Variants in BARD1 observed in about 807,000 individuals in gnomAD.
BARD1 encodes the protein BRCA1-associated RING domain protein 1.
Under a neutral mutation model 77.0 loss-of-function variants are expected in BARD1, and 73 were observed. That is an observed-to-expected ratio of 0.95 (90% CI 0.79 to 1.15). The LOEUF is 1.15. Among genes scored for constraint, BARD1 ranks in the 50% most tolerant of loss-of-function variants. BARD1 has a pLI of 0.00. For missense variants in BARD1, 993 were observed against 938.8 expected (o/e 1.06, Z -0.75); for synonymous variants, 384 against 338.0 (o/e 1.14, Z -1.49).
intron 3 of BARD1, among the ~76,000 whole-genome samples, chr2:214,786,813 C>G (rs1695295023): frequency 6.6e-6 from 1 of 151,884 alleles, no homozygotes; most frequent in African/African-American, 2.4e-5. Context: ...TGACCTGGTC[C>G]ACAAAGTGTT....
At chr2:214,755,002 T>C (rs896058761) in intron 6 of BARD1, among the ~76,000 whole-genome samples, 3 of 152,300 alleles carry the variant, frequency 2.0e-5, no homozygotes, top group East Asian at 1.9e-4. Context: ...AGATTTCTTA[T>C]TATTTGGGCA....
rs6413459 is a variant in BARD1, at chr2:214,767,311, A to AAGAG, written c.1568+170_1568+171insCTCT. On this transcript the variant is annotated intron_variant, in intron 6 of 10. Transcript: ENST00000260947. ...AATATGAAGGACCAACTGTATCATA[A>AAGAG]AAAGGGCATGAAGGCTGATTATGAG... 0.37 allele frequency among the ~76,000 whole-genome samples: 56,316 copies of AAGAG among 151,862 alleles called. 10,547 individuals are homozygous for AAGAG. Among genetic ancestry groups the AAGAG allele is most frequent in the Middle Eastern group, 0.44 (130 of 294 alleles).
chr2:214,755,178 G>A (rs539978115), intron 6 of BARD1, among the ~76,000 whole-genome samples: 1 of 152,026 alleles, frequency 6.6e-6, no homozygotes, highest in Non-Finnish European at 1.5e-5. Context: ...TGTATCTCAG[G>A]AACTATTAAC....
rs730881417 is a variant in BARD1, at chr2:214,769,302, G to C, written c.1325C>G (p.Pro442Arg). ...LHIASIKGDI[P>R]SVEYLLQNGS... The stretch of plus-strand genomic sequence containing the variant: ...ATTTTGTAAAAGGTATTCAACAGAA[G>C]GTATGTCGCCCTAGAAAAATGAACA... The change falls in exon 5 of 11, where the codon CCT becomes CGT. Residue 442 changes from proline (P) to arginine (R), a missense_variant. Physicochemically the swap from Pro to Arg is moderately radical, Grantham distance 103 (BLOSUM62 -2). Transcript: ENST00000260947. 1 of 1,612,912 alleles carries C rather than the reference G, an allele frequency of 6.2e-7. No individual in the cohort carries two copies. The highest frequency in any genetic ancestry group is 8.5e-7 in the Non-Finnish European group (1 of 1,179,000).
intron 9 of BARD1, among the ~76,000 whole-genome samples, chr2:214,739,699 G>C (rs958633862): frequency 2.6e-5 from 4 of 151,986 alleles, no homozygotes; most frequent in Admixed American, 1.3e-4. Context: ...ATAAAATAAA[G>C]GCTAAATGTT....
chr2:214,732,935 A>AG (rs1692419277), intron 9 of BARD1, among the ~76,000 whole-genome samples: 3 of 152,114 alleles, frequency 2.0e-5, no homozygotes, highest in South Asian at 4.1e-4. Flanking sequence ...GTACTTTCTG[A>AG]GGGAAAAAAA....
At chr2:214,753,603 AT>A (rs1388694202) in intron 6 of BARD1, among the ~76,000 whole-genome samples, 1 of 152,158 alleles carries the variant, frequency 6.6e-6, no homozygotes, top group Non-Finnish European at 1.5e-5. Flanking sequence ...AGAGAGAAAC[AT>A]TAGGGGAAGT....
At chr2:214,756,116 A>G (rs1693683810) in intron 6 of BARD1, among the ~76,000 whole-genome samples, 1 of 152,144 alleles carries the variant, frequency 6.6e-6, no homozygotes, top group Non-Finnish European at 1.5e-5. Context: ...ATGTCAAATT[A>G]TAATTCCCAA....
intron 7 of BARD1, among the ~76,000 whole-genome samples, chr2:214,750,986 G>C (rs1336585462): frequency 6.7e-6 from 1 of 150,282 alleles, no homozygotes; most frequent in Non-Finnish European, 1.5e-5. Context: ...TTTGAGAAAA[G>C]GTTTTCTGTT....
At chr2:214,789,667 A>C (rs903680403) in intron 3 of BARD1, among the ~76,000 whole-genome samples, 4 of 152,172 alleles carry the variant, frequency 2.6e-5, no homozygotes, top group Non-Finnish European at 5.9e-5. Context: ...CGAACCAAAA[A>C]GTTGTGTAAA....
chr2:214,809,524 A>AGCGGATCCTCGGCTG lies in BARD1; in HGVS notation c.31_45dup (p.Gln11_Arg15dup), dbSNP rs876659262. ...GGCGCGGAACGAGGCTCGTTCCCGG[A>AGCGGATCCTCGGCTG]GCGGATCCTCGGCTGCCGGTTCCTC... On this transcript the variant is annotated inframe_insertion, in exon 1 of 11. Transcript: ENST00000260947. 2.5e-6 allele frequency: 4 copies of AGCGGATCCTCGGCTG among 1,591,348 alleles called. No homozygotes were observed. In the African/African-American group the frequency reaches 5.4e-5, roughly 21 times the overall value.
At chr2:214,807,745 G>A (rs1195178910) in intron 1 of BARD1, among the ~76,000 whole-genome samples, 3 of 99,362 alleles carry the variant, frequency 3.0e-5, no homozygotes, top group Non-Finnish European at 4.3e-5. Context: ...AATGAGAGAT[G>A]AATAACTTGG....
intron 9 of BARD1, among the ~76,000 whole-genome samples, chr2:214,744,599 T>C (rs1353045895): frequency 1.3e-5 from 2 of 152,246 alleles, no homozygotes; most frequent in African/African-American, 4.8e-5. Flanking sequence ...ACTAAGGACA[T>C]CTAAATGACA....
At chr2:214,772,552 A>G (rs1462930041) in intron 4 of BARD1, among the ~76,000 whole-genome samples, 1 of 152,232 alleles carries the variant, frequency 6.6e-6, no homozygotes, top group African/African-American at 2.4e-5. Flanking sequence ...GACAATTTAA[A>G]GAATACAAGT....
intron 9 of BARD1, among the ~76,000 whole-genome samples, chr2:214,739,686 A>G (rs570172080): frequency 8.7e-4 from 133 of 152,260 alleles, no homozygotes; most frequent in Middle Eastern, 3.4e-3. Flanking sequence ...AAAGGCTGAA[A>G]ATATAAAATA....
chr2:214,789,578 G>T (rs7574061), intron 3 of BARD1, among the ~76,000 whole-genome samples: 71,772 of 151,760 alleles, frequency 0.47, 17,637 homozygotes, highest in Middle Eastern at 0.55. Context: ...TTTTAATTAA[G>T]TTTAGTCTCT....
At chr2:214,755,022 G>A (rs963565990) in intron 6 of BARD1, among the ~76,000 whole-genome samples, 1 of 152,166 alleles carries the variant, frequency 6.6e-6, no homozygotes, top group Non-Finnish European at 1.5e-5. Flanking sequence ...ACAATAATGT[G>A]TGCTTTCTTC....
rs1396679779 is a variant in BARD1, at chr2:214,745,095, G to T, written c.1875C>A (p.Leu625=). Residue 625 remains leucine, a synonymous_variant, in exon 9 of 11, where the codon CTC becomes CTA. Coordinates refer to ENST00000260947, the MANE Select transcript of BARD1 (RefSeq NM_000465.4). ...QSTLKCMLGI[L]NGCWILKFEW... ...CAAATTTTAGAATCCAGCATCCATT[G>T]AGAATCCCAAGCATACACTTCAAGG... 3.1e-6 allele frequency: 5 copies of T among 1,613,920 alleles called. No individual in the cohort carries two copies. The highest frequency in any genetic ancestry group is 4.2e-6 in the Non-Finnish European group (5 of 1,179,908).
At chr2:214,801,673 T>G (rs531172917) in intron 1 of BARD1, among the ~76,000 whole-genome samples, 1 of 152,266 alleles carries the variant, frequency 6.6e-6, no homozygotes, top group Admixed American at 6.5e-5. Context: ...CCATGTAACA[T>G]CTAAAGAACA....
Sources: allele counts gnomAD v4.1 joint callset (sites outside exome capture counted in the v4.1 genomes callset), GRCh38; gene constraint gnomAD v4.1.1; transcripts MANE v1.5; gene names NCBI Gene and HGNC (gene_info 2026-07-23, HGNC 2026-07-21).